Variants in RARB observed in about 807,000 individuals in gnomAD.
RARB encodes the protein HBV-activated protein.
RARB carries 17 observed loss-of-function variants against 51.9 expected under a neutral mutation model. That is an observed-to-expected ratio of 0.33 (90% CI 0.22 to 0.49). The LOEUF (loss-of-function observed/expected upper bound fraction) is 0.49, where lower values mean the gene tolerates loss of function less well. Ranked by LOEUF, RARB falls within the 20% of genes least tolerant of loss-of-function variation. The pLI, the probability that RARB is intolerant of heterozygous loss-of-function variation, is 0.99. For missense variants in RARB, 369 were observed against 550.8 expected, an observed-to-expected ratio of 0.67 and a Z score of 3.30; for synonymous variants, 215 against 195.4, an observed-to-expected ratio of 1.10 and a Z score of -0.84.
chr3:25,273,745 A>G (rs1703308610), intron 5 of RARB, among the ~76,000 whole-genome samples: 1 of 152,250 alleles, frequency 6.6e-6, no homozygotes, highest in African/African-American at 2.4e-5. Flanking sequence ...ATAGGAAAGC[A>G]GTTGCTAGCT....
intron 5 of RARB, among the ~76,000 whole-genome samples, chr3:25,403,800 A>AT (rs1456792403): frequency 1.5e-5 from 2 of 135,696 alleles, no homozygotes; most frequent in Non-Finnish European, 3.1e-5. Flanking sequence ...TGTTACTTTC[A>AT]TTTTTTTCTT....
intron 4 of RARB, among the ~76,000 whole-genome samples, chr3:25,147,830 C>T (rs542693371): frequency 5.3e-5 from 8 of 152,298 alleles, no homozygotes; most frequent in African/African-American, 1.7e-4. Context: ...AAACCTGCAC[C>T]ATCCCTTCAA....
chr3:25,497,452 T>C (rs1334246361), intron 2 of RARB, among the ~76,000 whole-genome samples: 1 of 152,202 alleles, frequency 6.6e-6, no homozygotes, highest in Non-Finnish European at 1.5e-5. Context: ...CCACCTCTTC[T>C]TTCGCCAATT....
chr3:25,027,419 TC>T (rs1317389297), intron 2 of RARB, among the ~76,000 whole-genome samples: 1 of 151,840 alleles, frequency 6.6e-6, no homozygotes, highest in African/African-American at 2.4e-5. Flanking sequence ...AAATACATCT[TC>T]CCCCCCATAT....
intron 2 of RARB, among the ~76,000 whole-genome samples, chr3:24,956,619 C>T (rs1017432911): frequency 6.6e-6 from 1 of 152,152 alleles, no homozygotes; most frequent in South Asian, 2.1e-4. Flanking sequence ...GAAGGTAATA[C>T]ATAGATGTGT....
intron 2 of RARB, among the ~76,000 whole-genome samples, chr3:25,040,183 C>A (rs117215949): frequency 6.6e-6 from 1 of 152,152 alleles, no homozygotes; most frequent in Non-Finnish European, 1.5e-5. Flanking sequence ...CAAAGTGAAG[C>A]TCTTTGGGGA....
intron 3 of RARB, among the ~76,000 whole-genome samples, chr3:25,522,033 T>A: frequency 6.6e-6 from 1 of 152,128 alleles, no homozygotes; most frequent in African/African-American, 2.4e-5. Context: ...TCTGAACATT[T>A]TTGTCATGGC....
intron 5 of RARB, among the ~76,000 whole-genome samples, chr3:25,232,843 A>G (rs1277618817): frequency 6.6e-6 from 1 of 152,136 alleles, no homozygotes; most frequent in Non-Finnish European, 1.5e-5. Context: ...CTTTATTATA[A>G]AAATAGTTTT....
At chr3:25,328,541 A>C (rs889475524) in intron 5 of RARB, among the ~76,000 whole-genome samples, 2 of 152,176 alleles carry the variant, frequency 1.3e-5, no homozygotes, top group Non-Finnish European at 2.9e-5. Flanking sequence ...AAAAATAAAT[A>C]AGTGAAATAA....
chr3:25,500,109 A>T, intron 2 of RARB, among the ~76,000 whole-genome samples: 1 of 152,206 alleles, frequency 6.6e-6, no homozygotes, highest in Non-Finnish European at 1.5e-5. Flanking sequence ...AATATTTTGT[A>T]TATGTGGTGT....
chr3:24,835,128 G>A (rs548189295), intron 1 of RARB, among the ~76,000 whole-genome samples: 10 of 152,052 alleles, frequency 6.6e-5, no homozygotes, highest in East Asian at 1.9e-4. Context: ...CACCATTATC[G>A]GATTTAATCT....
chr3:24,905,242 G>T (rs189991585), intron 2 of RARB, among the ~76,000 whole-genome samples: 48 of 152,244 alleles, frequency 3.2e-4, no homozygotes, highest in Non-Finnish European at 5.9e-4. Flanking sequence ...CTTACCCTGG[G>T]CCCTGGGGGT....
At chr3:25,194,944 C>T (rs1201847353) in intron 5 of RARB, among the ~76,000 whole-genome samples, 1 of 151,922 alleles carries the variant, frequency 6.6e-6, no homozygotes, top group Non-Finnish European at 1.5e-5. Flanking sequence ...GAAAAGGACA[C>T]TAATTCATAC....
rs1219833018 is a variant in RARB, at chr3:25,501,340, A to C, written c.448+17A>C. On this transcript the variant is annotated intron_variant, in intron 3 of 7. Transcript: ENST00000330688. The stretch of plus-strand genomic sequence containing the variant: ...CCAAAGAATGTAAGTGGAGTCTCAA[A>C]AAACTTTTTCCCTGTTTTCCTTATC... 1 of 1,606,398 alleles carries C rather than the reference A, an allele frequency of 6.2e-7. No individual in the cohort carries two copies. Among genetic ancestry groups the C allele is most frequent in the Non-Finnish European group, 8.5e-7 (1 of 1,178,168 alleles).
chr3:25,206,818 C>T (rs1368087971), intron 5 of RARB, among the ~76,000 whole-genome samples: 2 of 152,178 alleles, frequency 1.3e-5, no homozygotes, highest in African/African-American at 4.8e-5. Flanking sequence ...ACTACTTTTT[C>T]TCATCCATGT....
chr3:25,437,719 GT>G (rs1708493171), intron 1 of RARB, among the ~76,000 whole-genome samples: 1 of 152,186 alleles, frequency 6.6e-6, no homozygotes, highest in South Asian at 2.1e-4. Context: ...AAGTTTTTCT[GT>G]GTGCAGGCCT....
intron 3 of RARB, among the ~76,000 whole-genome samples, chr3:25,107,294 T>C (rs947968416): frequency 6.6e-6 from 1 of 152,204 alleles, no homozygotes; most frequent in African/African-American, 2.4e-5. Context: ...TTTTCTTGTT[T>C]TCTTCCCCTA....
At chr3:24,898,942 C>T (rs1023460909) in intron 2 of RARB, among the ~76,000 whole-genome samples, 4 of 152,194 alleles carry the variant, frequency 2.6e-5, no homozygotes, top group African/African-American at 9.7e-5. Context: ...CTATGTACAA[C>T]TCATTGGCCA....
At chr3:25,329,037 G>T (rs759095521) in intron 5 of RARB, among the ~76,000 whole-genome samples, 2 of 152,216 alleles carry the variant, frequency 1.3e-5, no homozygotes, top group Non-Finnish European at 2.9e-5. Context: ...AGCTTGAACA[G>T]GGTGGAACCC....
Sources: gnomAD v4.1 joint callset for allele counts (sites outside exome capture counted in the v4.1 genomes callset) on GRCh38, gnomAD v4.1.1 for gene constraint, MANE v1.5 for transcripts, NCBI Gene and HGNC (gene_info 2026-07-23, HGNC 2026-07-21) for gene names.